PSMD14: variants seen among roughly 807,000 people sequenced by gnomAD.
PSMD14 encodes proteasome 26S subunit, non-ATPase 14, also known as ubiquitin C-terminal hydrolase PSMD14.
PSMD14 carries 7 observed loss-of-function variants against 41.2 expected under a neutral mutation model. That is an observed-to-expected ratio of 0.17 (90% CI 0.10 to 0.32). The LOEUF (loss-of-function observed/expected upper bound fraction) is 0.32, where lower values mean the gene tolerates loss of function less well. PSMD14 is among the 10% of genes least tolerant of loss of function. The pLI, the probability that PSMD14 is intolerant of heterozygous loss-of-function variation, is 1.00. For synonymous variants in PSMD14, 114 were observed against 122.3 expected (o/e 0.93, Z 0.45); for missense variants, 139 against 375.6 (o/e 0.37, Z 5.21).
intron 3 of PSMD14, among the ~76,000 whole-genome samples, chr2:161,337,055 T>C (rs1333316813): frequency 6.6e-6 from 1 of 152,222 alleles, no homozygotes; most frequent in African/African-American, 2.4e-5. Context: ...AATTAATCTT[T>C]TAAAAACCAT....
chr2:161,361,315 C>T (rs1372142748), intron 3 of PSMD14, among the ~76,000 whole-genome samples: 1 of 152,106 alleles, frequency 6.6e-6, no homozygotes, highest in Non-Finnish European at 1.5e-5. Flanking sequence ...TTCTGCAACA[C>T]TGTAATAGTT....
Position 161,391,137 on chromosome 2 carries a change from T to C in PSMD14, c.604T>C (p.Ser202Pro). ...TCATGGACTAAACAGACATTATTAC[T>C]CCATTACTATTAACTATCGGAAAAA... The part of the protein sequence containing the change: ...LIHGLNRHYY[S>P]ITINYRKNEL... The change falls in exon 9 of 12, where the codon TCC becomes CCC. Residue 202 changes from serine (S) to proline (P), a missense_variant. This residue lies in a region of PSMD14 where 80 missense variants were observed against 138.1 expected (regional missense o/e 0.58). Coordinates refer to ENST00000409682, the MANE Select transcript of PSMD14 (RefSeq NM_005805.6). The C allele has an allele frequency of 6.5e-7, 1 of 1,541,054 alleles. No homozygotes were observed. Among genetic ancestry groups the C allele is most frequent in the Non-Finnish European group, 8.8e-7 (1 of 1,141,760 alleles).
At chr2:161,354,224 A>G (rs948073291) in intron 3 of PSMD14, among the ~76,000 whole-genome samples, 1 of 152,026 alleles carries the variant, frequency 6.6e-6, no homozygotes, top group African/African-American at 2.4e-5. Flanking sequence ...ATCTCCGTGA[A>G]TGATGCTGTG....
intron 3 of PSMD14, among the ~76,000 whole-genome samples, chr2:161,358,918 T>C (rs958825459): frequency 6.6e-6 from 1 of 152,206 alleles, no homozygotes. Flanking sequence ...TTGAAAACCC[T>C]TCGTATTTGA....
chr2:161,371,961 T>C (rs985422822), intron 7 of PSMD14, among the ~76,000 whole-genome samples: 1 of 150,268 alleles, frequency 6.7e-6, no homozygotes, highest in Non-Finnish European at 1.5e-5. Flanking sequence ...TGTTCATTCA[T>C]TCTTTCTTTT....
chr2:161,340,689 A>G (rs1200508769), intron 3 of PSMD14: 1 of 1,521,006 alleles, frequency 6.6e-7, no homozygotes, highest in African/African-American at 1.4e-5. Flanking sequence ...AGCTCAGCAG[A>G]TTTATGGAGG....
At chr2:161,310,718 A>T (rs1401968312) in intron 1 of PSMD14, among the ~76,000 whole-genome samples, 1 of 152,242 alleles carries the variant, frequency 6.6e-6, no homozygotes, top group Non-Finnish European at 1.5e-5. Flanking sequence ...TCCCCACTTT[A>T]TAAATGAGGT....
At position 161,349,787 on chromosome 2, in the gene PSMD14, G is replaced by A. The variant is rs1179742424; in HGVS notation, c.49-17691G>A. Among the ~76,000 whole-genome samples, 13 of 152,316 alleles carry A rather than the reference G, an allele frequency of 8.5e-5. No homozygotes were observed. The East Asian group carries it at 2.5e-3, about 29-fold the overall frequency. ...CTGTGAGCCAGACGAGCAGGGTGGGGTTGGAGAGACCAGCAGGGCTTGCAA... is the reference window on the plus strand; with the variant it reads ...CTGTGAGCCAGACGAGCAGGGTGGGATTGGAGAGACCAGCAGGGCTTGCAA... On this transcript the variant is annotated intron_variant, in intron 3 of 11. Transcript: ENST00000409682.
chr2:161,334,932 G>A (rs1682846515), intron 3 of PSMD14, among the ~76,000 whole-genome samples: 3 of 152,112 alleles, frequency 2.0e-5, no homozygotes, highest in African/African-American at 7.2e-5. Context: ...TCTTTTGTGT[G>A]GTATCTCAAA....
chr2:161,329,485 A>G (rs986506834), intron 3 of PSMD14, among the ~76,000 whole-genome samples: 1 of 152,070 alleles, frequency 6.6e-6, no homozygotes, highest in Non-Finnish European at 1.5e-5. Flanking sequence ...TTATATGCTC[A>G]TGAATATTCT....
rs1368128799 is a variant in PSMD14 at position 161,400,859 on chromosome 2, G to GA, written c.771+5667dup. 4.1e-3 allele frequency among the ~76,000 whole-genome samples: 580 copies of GA among 140,860 alleles called. 3 individuals are homozygous for GA. The highest frequency in any genetic ancestry group is 0.012 in the African/African-American group (454 of 38,646). 92.4% of individuals were successfully genotyped at this position (140,860 alleles called of 152,430 possible). On this transcript the variant is annotated intron_variant, in intron 10 of 11. Coordinates refer to ENST00000409682, the MANE Select transcript of PSMD14 (RefSeq NM_005805.6). ...TAGCACCTGGCAGCCCAGAAATATT[G>GA]AAAAAAAAAAACAAGGTATGTCACA...
chr2:161,399,780 TGATACATTTTTG>T (rs1683850665), intron 10 of PSMD14, among the ~76,000 whole-genome samples: 1 of 152,186 alleles, frequency 6.6e-6, no homozygotes, highest in African/African-American at 2.4e-5. Context: ...GGAAAGTAAT[TGATACATTTTTG>T]GAGGCCGTCT....
chr2:161,408,989 C>A (rs1399301213), intron 11 of PSMD14, 90 bp downstream of exon 11: 6 of 994,412 alleles, frequency 6.0e-6, no homozygotes, highest in Non-Finnish European at 8.9e-6. Flanking sequence ...AATTTTTTTC[C>A]TGTCCACTCT....
chr2:161,324,324 A>C (rs76756028), intron 3 of PSMD14, among the ~76,000 whole-genome samples: 2 of 152,354 alleles, frequency 1.3e-5, no homozygotes, highest in Non-Finnish European at 2.9e-5. Context: ...AATCAGTGAA[A>C]GCTAATGCTC....
intron 3 of PSMD14, among the ~76,000 whole-genome samples, chr2:161,355,358 T>C (rs1472854318): frequency 6.6e-6 from 1 of 152,184 alleles, no homozygotes; most frequent in Admixed American, 6.5e-5. Context: ...GTCAGTACTT[T>C]CAGGATTACT....
At chr2:161,400,295 G>A (rs1159318184) in intron 10 of PSMD14, among the ~76,000 whole-genome samples, 3 of 152,050 alleles carry the variant, frequency 2.0e-5, no homozygotes, top group African/African-American at 7.2e-5. Context: ...TTGTGATTGC[G>A]ATAGCTTCAG....
chr2:161,390,770 TATC>T (rs1683700583), intron 8 of PSMD14, among the ~76,000 whole-genome samples: 1 of 152,172 alleles, frequency 6.6e-6, no homozygotes, highest in South Asian at 2.1e-4. Context: ...GCCCCCTAGA[TATC>T]ATAAAGTTAG....
chr2:161,336,916 A>G (rs1682880269), intron 3 of PSMD14, among the ~76,000 whole-genome samples: 1 of 152,224 alleles, frequency 6.6e-6, no homozygotes, highest in Non-Finnish European at 1.5e-5. Context: ...GCAATTATTA[A>G]TAAGCTCATT....
chr2:161,352,734 T>C (rs1474913464), intron 3 of PSMD14, among the ~76,000 whole-genome samples: 2 of 152,206 alleles, frequency 1.3e-5, no homozygotes, highest in African/African-American at 4.8e-5. Flanking sequence ...TATTGTTCCT[T>C]TGTCTTTCTC....
Sources: allele counts gnomAD v4.1 joint callset (sites outside exome capture counted in the v4.1 genomes callset), GRCh38; gene constraint gnomAD v4.1.1; regional missense constraint gnomAD v4.1.1; transcripts MANE v1.5; gene names NCBI Gene and HGNC (gene_info 2026-07-23, HGNC 2026-07-21).